MVP: variants seen among roughly 807,000 people sequenced by gnomAD.
The protein encoded by MVP is lung resistance-related protein.
MVP carries 62 observed loss-of-function variants against 83.5 expected under a neutral mutation model. That is an observed-to-expected ratio of 0.74 (90% confidence interval 0.61 to 0.92). The LOEUF is 0.92. Among genes scored for constraint, MVP ranks in the 40% least tolerant of loss-of-function variants. MVP has a pLI of 0.00. For missense variants in MVP, 1,000 were observed against 1,203.4 expected (o/e 0.83, Z 2.50); for synonymous variants, 505 against 504.1 (o/e 1.00, Z -0.02).
chr16:29,836,291 C>A (rs899323223), intron 6 of MVP, among the ~76,000 whole-genome samples: 1 of 149,824 alleles, frequency 6.7e-6, no homozygotes, highest in African/African-American at 2.5e-5. Flanking sequence ...AAAAACAAAG[C>A]CGGTCGGGTG....
rs1436315623 is a variant in MVP at position 29,846,255 on chromosome 16, C to T, written c.2236C>T (p.Leu746=). Residue 746 remains leucine (L), a synonymous_variant, in exon 13 of 15, where the codon CTA becomes TTA. Transcript: ENST00000357402. The part of the protein sequence containing the change: ...EGEGSVLQAK[L]KAQALAIETE... ...AGAAGGGTCCGTGCTGCAGGCCAAG[C>T]TAAAAGCACAGGCCTTGGCCATTGA... 6.4e-7 allele frequency: 1 copy of T among 1,574,060 alleles called. No individual in the cohort carries two copies. Among genetic ancestry groups the T allele is most frequent in the South Asian group, 1.2e-5 (1 of 86,560 alleles).
In MVP at chr16:29,845,998, G is replaced by C. The variant is rs756901658; in HGVS notation, c.2138+19G>C. The C allele has an allele frequency of 3.7e-6, 6 of 1,613,844 alleles. No homozygotes were observed. In the African/African-American group the frequency reaches 8.0e-5, roughly 22 times the overall value. The stretch of plus-strand genomic sequence containing the variant: ...CTCTGAGGTGGGTTGAGAACTAGAG[G>C]AGGAGACTGGCAGGGGCCGAGGGTC... On this transcript the variant is annotated intron_variant, in intron 12 of 14. Coordinates refer to ENST00000357402, the MANE Select transcript of MVP (RefSeq NM_005115.5).
chr16:29,830,468 C>T, intron 1 of MVP, 47 bp from the exon 2 acceptor site: 1 of 1,537,260 alleles, frequency 6.5e-7, no homozygotes, highest in Non-Finnish European at 8.9e-7. Flanking sequence ...GCCTGCCCCA[C>T]CCCAGGCTCC....
At chr16:29,833,603 C>T (rs1307983197) in intron 3 of MVP, 130 bp from the exon 4 acceptor site, 1 of 1,276,240 alleles carries the variant, frequency 7.8e-7, no homozygotes, top group South Asian at 1.4e-5. Flanking sequence ...AGCCACTGTG[C>T]CCGGCCTCCA....
intron 6 of MVP, among the ~76,000 whole-genome samples, chr16:29,836,184 C>T (rs1471326076): frequency 1.3e-5 from 2 of 150,732 alleles, no homozygotes; most frequent in East Asian, 1.9e-4. Flanking sequence ...AGGAGAATCG[C>T]TTGAACCCCA....
chr16:29,830,368 T>G, intron 1 of MVP, 147 bp from the exon 2 acceptor site: 4 of 609,894 alleles, frequency 6.6e-6, no homozygotes, highest in Non-Finnish European at 1.1e-5. Context: ...CAGGGAGCAG[T>G]GGGCATGCAG....
Position 29,841,714 on chromosome 16 carries a change from G to A in MVP, c.1310G>A (p.Arg437Lys). ...LNKGQDPLAD[R>K]GEKDTAKSLQ... ...AAGGGGCAGGACCCTCTGGCAGACA[G>A]GGGTGAGAAGGACACAGCTAAGAGC... The change falls in exon 9 of 15, where the codon AGG (arginine) becomes AAG (lysine). Residue 437 changes from arginine to lysine, a missense_variant. Arg to Lys is a conservative substitution (Grantham distance 26). Transcript: ENST00000357402. The surrounding 1 kb of genome is among the most constrained non-coding windows in gnomAD (Gnocchi z 4.7). 6.2e-7 allele frequency: 1 copy of A among 1,612,778 alleles called. No homozygotes were observed. The highest frequency in any genetic ancestry group is 1.3e-5 in the African/African-American group (1 of 75,036).
At position 29,830,988 on chromosome 16, in the gene MVP, G is replaced by T; in HGVS notation, c.236G>T (p.Gly79Val). The change falls in exon 3 of 15, where the codon GGG (glycine) becomes GTG (valine). Residue 79 changes from glycine (G) to valine (V), a missense_variant. Transcript: ENST00000357402. ...GGCTTGGTGCTGTTTGATGTCACAG[G>T]GCAAGTTCGGCTTCGCCACGCTGAC... Reference protein sequence around the residue: ...AQGLVLFDVTGQVRLRHADLE... With the variant: ...AQGLVLFDVTVQVRLRHADLE... 6.2e-7 allele frequency: 1 copy of T among 1,613,950 alleles called. No individual in the cohort carries two copies. Among genetic ancestry groups the T allele is most frequent in the East Asian group, 2.2e-5 (1 of 44,866 alleles).
intron 7 of MVP, among the ~76,000 whole-genome samples, chr16:29,839,009 A>T (rs2067511119): frequency 1.3e-5 from 2 of 152,094 alleles, no homozygotes; most frequent in African/African-American, 4.8e-5. Flanking sequence ...CAACATGGTG[A>T]AGCCCCGTCT....
chr16:29,836,149 C>G (rs1370119869), intron 6 of MVP, among the ~76,000 whole-genome samples: 1 of 151,498 alleles, frequency 6.6e-6, no homozygotes, highest in Non-Finnish European at 1.5e-5. Context: ...GCCTGTAATT[C>G]CAGTTACTCC....
chr16:29,838,637 G>A (rs2067508132), intron 7 of MVP, among the ~76,000 whole-genome samples: 1 of 152,050 alleles, frequency 6.6e-6, no homozygotes, highest in African/African-American at 2.4e-5. Context: ...AGACCAGCCT[G>A]GGTAACATAG....
At chr16:29,843,681 G>A (rs978035102) in intron 10 of MVP, among the ~76,000 whole-genome samples, 4 of 151,824 alleles carry the variant, frequency 2.6e-5, no homozygotes, top group East Asian at 3.9e-4. Flanking sequence ...GAGGTCAGGA[G>A]TTTGAGACCA....
chr16:29,824,565 G>A (rs565110381), intron 1 of MVP, among the ~76,000 whole-genome samples: 11 of 152,296 alleles, frequency 7.2e-5, no homozygotes, highest in Admixed American at 2.6e-4. Flanking sequence ...AGGAGTTTGA[G>A]ACCACCCTGG....
At chr16:29,824,091 CTG>C (rs1319034852) in intron 1 of MVP, among the ~76,000 whole-genome samples, 2 of 151,392 alleles carry the variant, frequency 1.3e-5, no homozygotes, top group Non-Finnish European at 2.9e-5. Context: ...TGGCGGACAT[CTG>C]TAATCCCAGC....
intron 1 of MVP, 116 bp from the exon 2 acceptor site, chr16:29,830,399 A>C (rs911938008): frequency 1.2e-6 from 1 of 813,508 alleles, no homozygotes; most frequent in Non-Finnish European, 2.0e-6. Flanking sequence ...GGAAGGGTGC[A>C]GTGGCCTGGC....
In MVP at chr16:29,846,037, T is replaced by A. The variant is rs1596930938; in HGVS notation, c.2138+58T>A. The stretch of plus-strand genomic sequence containing the variant: ...GGGCCGAGGGTCTTAGGACAGCAGC[T>A]GGTGTGGGCAGCAGGCCTGGGTGGG... On this transcript the variant is annotated intron_variant, in intron 12 of 14. Transcript: ENST00000357402. 3 of 1,611,908 alleles carry A rather than the reference T, an allele frequency of 1.9e-6. No individual in the cohort carries two copies. The East Asian group carries it at 6.7e-5, about 36-fold the overall frequency.
At chr16:29,840,156 T>C in intron 7 of MVP, 22 bp from the exon 8 acceptor site, 1 of 1,584,856 alleles carries the variant, frequency 6.3e-7, no homozygotes, top group Non-Finnish European at 8.6e-7. Context: ...GCACTGACCC[T>C]AACCTCACGT....
In MVP at chr16:29,836,901, T is replaced by G. The variant is rs2067492257; in HGVS notation, c.852T>G (p.Ile284Met). 1.9e-6 allele frequency: 3 copies of G among 1,613,898 alleles called. No individual in the cohort carries two copies. Among genetic ancestry groups the G allele is most frequent in the Non-Finnish European group, 2.5e-6 (3 of 1,180,004 alleles). The change falls in exon 7 of 15, where the codon ATT becomes ATG. Residue 284 changes from isoleucine to methionine, a missense_variant. Physicochemically the swap from Ile to Met is conservative, Grantham distance 10 (BLOSUM62 1). Transcript: ENST00000357402. The stretch of plus-strand genomic sequence containing the variant: ...TGGGCCCCCACAACTACTGCGTGAT[T>G]CTCGACCCTGTCGGACCGGATGGCA... ...TTLGPHNYCV[I>M]LDPVGPDGKN... is the part of the protein sequence containing the mutation.
chr16:29,842,155 C>G (rs866020427), intron 10 of MVP, 43 bp downstream of exon 10: 1 of 1,547,334 alleles, frequency 6.5e-7, no homozygotes, highest in Non-Finnish European at 8.7e-7. Flanking sequence ...CCTGGAATCC[C>G]AGCACTTTGG....
Sources: gnomAD v4.1 joint callset for allele counts (sites outside exome capture counted in the v4.1 genomes callset) on GRCh38, gnomAD v4.1.1 for gene constraint, Gnocchi (gnomAD v3.1) non-coding constraint, MANE v1.5 for transcripts, NCBI Gene and HGNC (gene_info 2026-07-23, HGNC 2026-07-21) for gene names.